DRC11: variants seen among roughly 807,000 people sequenced by gnomAD.
The protein encoded by DRC11 is IQ and AAA domain-containing protein 1.
At chr2:236,351,428 G>C in the DRC11 span, among the ~76,000 whole-genome samples, 150 of 152,270 alleles carry the variant, frequency 9.9e-4, no homozygotes, top group African/African-American at 3.4e-3. This position sits in a 1 kb window ranked among gnomAD's most constrained non-coding sequence, Gnocchi z 7.3. Flanking sequence ...CCCTTCCTGG[G>C]CCAGGAGCCA....
chr2:236,370,403 G>A, the DRC11 span, among the ~76,000 whole-genome samples: 1 of 152,210 alleles, frequency 6.6e-6, no homozygotes, highest in Non-Finnish European at 1.5e-5. The surrounding 1 kb of genome is among the most constrained non-coding windows in gnomAD (Gnocchi z 5.5). Context: ...GCATCTTGGA[G>A]GGAGGCAGCC....
the DRC11 span, chr2:236,331,379 C>T: frequency 6.2e-7 from 1 of 1,613,580 alleles, no homozygotes. This position sits in a 1 kb window ranked among gnomAD's most constrained non-coding sequence, Gnocchi z 4.8. Context: ...TCTTCTTCCT[C>T]TTTGTACACT....
At chr2:236,355,311 C>A in the DRC11 span, among the ~76,000 whole-genome samples, 1 of 152,240 alleles carries the variant, frequency 6.6e-6, no homozygotes, top group South Asian at 2.1e-4. Flanking sequence ...GAGGCCCTGC[C>A]TATGTGGGAG....
the DRC11 span, among the ~76,000 whole-genome samples, chr2:236,377,806 T>C: frequency 2.6e-5 from 4 of 152,312 alleles, no homozygotes; most frequent in African/African-American, 7.2e-5. The surrounding 1 kb of genome is among the most constrained non-coding windows in gnomAD (Gnocchi z 4.9). Context: ...AGCCAGCACA[T>C]TGGTAATTTA....
chr2:236,408,122 G>A, the DRC11 span: 1 of 661,036 alleles, frequency 1.5e-6, no homozygotes, highest in South Asian at 1.4e-5. The surrounding 1 kb of genome is among the most constrained non-coding windows in gnomAD (Gnocchi z 5.5). Context: ...AAGCCACCCA[G>A]AGAGTTGATA....
chr2:236,450,314 C>CTTTTTTTTTTTTTT, the DRC11 span, among the ~76,000 whole-genome samples: 1 of 82,378 alleles, frequency 1.2e-5, no homozygotes, highest in Non-Finnish European at 2.3e-5. Context: ...CTTTTCTTTT[C>CTTTTTTTTTTTTTT]TTTTTTTTTT....
At chr2:236,331,618 A>C in the DRC11 span, 3 of 1,574,296 alleles carry the variant, frequency 1.9e-6, no homozygotes, top group Non-Finnish European at 2.6e-6. The surrounding 1 kb of genome is among the most constrained non-coding windows in gnomAD (Gnocchi z 4.8). Flanking sequence ...CAGAAAAGAC[A>C]CAGAGAACAA....
At chr2:236,399,340 C>T in the DRC11 span, 1 of 1,204,888 alleles carries the variant, frequency 8.3e-7, no homozygotes, top group East Asian at 2.3e-5. This position sits in a 1 kb window ranked among gnomAD's most constrained non-coding sequence, Gnocchi z 7.0. Context: ...GAGTGGCATA[C>T]AGCAGCCTCC....
At chr2:236,457,519 A>T in the DRC11 span, among the ~76,000 whole-genome samples, 122 of 152,362 alleles carry the variant, frequency 8.0e-4, no homozygotes, top group African/African-American at 2.9e-3. This position sits in a 1 kb window ranked among gnomAD's most constrained non-coding sequence, Gnocchi z 4.7. Flanking sequence ...ACACTGAATA[A>T]TGATCCCTAA....
At chr2:236,437,863 T>C in the DRC11 span, among the ~76,000 whole-genome samples, 1 of 147,854 alleles carries the variant, frequency 6.8e-6, no homozygotes, top group Non-Finnish European at 1.5e-5. Flanking sequence ...GATGAGTAGG[T>C]TGCGAAAATT....
At chr2:236,455,412 T>C in the DRC11 span, among the ~76,000 whole-genome samples, 1 of 152,154 alleles carries the variant, frequency 6.6e-6, no homozygotes, top group Non-Finnish European at 1.5e-5. This position sits in a 1 kb window ranked among gnomAD's most constrained non-coding sequence, Gnocchi z 5.7. Context: ...GAAATGCAAG[T>C]TCATCTGAGA....
chr2:236,405,692 C>T, the DRC11 span, among the ~76,000 whole-genome samples: 1 of 152,144 alleles, frequency 6.6e-6, no homozygotes, highest in Admixed American at 6.5e-5. This position sits in a 1 kb window ranked among gnomAD's most constrained non-coding sequence, Gnocchi z 4.6. Context: ...GATAGTAGTC[C>T]TCCTTTCTCC....
the DRC11 span, among the ~76,000 whole-genome samples, chr2:236,404,358 G>A: frequency 6.6e-6 from 1 of 151,606 alleles, no homozygotes; most frequent in African/African-American, 2.4e-5. Flanking sequence ...ATTCATTGAA[G>A]TTGTCCTTCC....
the DRC11 span, among the ~76,000 whole-genome samples, chr2:236,490,753 T>C: frequency 2.0e-5 from 3 of 151,906 alleles, no homozygotes; most frequent in African/African-American, 7.3e-5. This position sits in a 1 kb window ranked among gnomAD's most constrained non-coding sequence, Gnocchi z 5.5. Context: ...GACAATAATT[T>C]TCATGCATCA....
chr2:236,411,925 T>A, the DRC11 span, among the ~76,000 whole-genome samples: 10 of 145,322 alleles, frequency 6.9e-5, no homozygotes, highest in African/African-American at 2.5e-4. Flanking sequence ...AGGGATAGCA[T>A]TGGGAGATAT....
the DRC11 span, chr2:236,338,111 C>G: frequency 7.9e-7 from 1 of 1,271,412 alleles, no homozygotes; most frequent in Non-Finnish European, 1.1e-6. Context: ...ACTCATCTGG[C>G]GCCCACCGGG....
the DRC11 span, among the ~76,000 whole-genome samples, chr2:236,344,951 G>T: frequency 6.7e-6 from 1 of 150,340 alleles, no homozygotes; most frequent in African/African-American, 2.5e-5. Flanking sequence ...GGTTGTAAAT[G>T]TGCTTCCCTC....
chr2:236,315,462 A>C, the DRC11 span, among the ~76,000 whole-genome samples: 1 of 152,256 alleles, frequency 6.6e-6, no homozygotes, highest in Non-Finnish European at 1.5e-5. The surrounding 1 kb of genome is among the most constrained non-coding windows in gnomAD (Gnocchi z 5.1). Flanking sequence ...TCAAAGATTA[A>C]GAACTGGAAA....
At chr2:236,444,555 G>A in the DRC11 span, among the ~76,000 whole-genome samples, 1 of 152,206 alleles carries the variant, frequency 6.6e-6, no homozygotes, top group Non-Finnish European at 1.5e-5. Flanking sequence ...CACTTTGAGA[G>A]CCATTCCCTT....
Sources: allele counts gnomAD v4.1 joint callset (sites outside exome capture counted in the v4.1 genomes callset), GRCh38; gene constraint gnomAD v4.1.1; non-coding constraint Gnocchi (gnomAD v3.1); transcripts MANE v1.5; gene names NCBI Gene and HGNC (gene_info 2026-07-23, HGNC 2026-07-21).